REC114: variants seen among roughly 807,000 people sequenced by gnomAD.
The protein encoded by REC114 is REC114 meiotic recombination protein.
In REC114, 27 loss-of-function variants were observed where a neutral mutation model predicts 31.3. The observed-to-expected ratio is 0.86, with a 90% CI of 0.64 to 1.19. REC114 has a LOEUF of 1.19. Ranked by LOEUF, REC114 falls within the 50% of genes most tolerant of loss-of-function variation. REC114 has a pLI of 0.00. For missense variants in REC114, 344 were observed against 326.9 expected (o/e 1.05, Z -0.40); for synonymous variants, 134 against 127.7 (o/e 1.05, Z -0.33).
At chr15:73,473,469 T>C (rs1567858479) in intron 1 of REC114, among the ~76,000 whole-genome samples, 1 of 152,040 alleles carries the variant, frequency 6.6e-6, no homozygotes, top group Non-Finnish European at 1.5e-5. Flanking sequence ...AGCAACTCTG[T>C]AAGGTGCTAT....
intron 1 of REC114, among the ~76,000 whole-genome samples, chr15:73,456,315 G>T (rs1892914695): frequency 6.6e-6 from 1 of 151,466 alleles, no homozygotes; most frequent in South Asian, 2.1e-4. Context: ...GCCCTAATTG[G>T]TTGAACCTGA....
intron 2 of REC114, among the ~76,000 whole-genome samples, chr15:73,514,484 T>G (rs1893831264): frequency 6.6e-6 from 1 of 152,156 alleles, no homozygotes. Context: ...ACAGCACAGT[T>G]TCTAACCTTT....
chr15:73,510,604 T>A (rs1344820575), intron 2 of REC114, among the ~76,000 whole-genome samples: 1 of 147,576 alleles, frequency 6.8e-6, no homozygotes, highest in Non-Finnish European at 1.5e-5. Context: ...CTTATCATTT[T>A]GAAATACGTC....
At chr15:73,466,566 C>T (rs1478364869) in intron 1 of REC114, among the ~76,000 whole-genome samples, 3 of 146,156 alleles carry the variant, frequency 2.1e-5, no homozygotes, top group African/African-American at 8.4e-5. Flanking sequence ...GGAAGGAAAA[C>T]AACAACAACA....
chr15:73,544,484 A>G (rs192902369), intron 3 of REC114, among the ~76,000 whole-genome samples: 1 of 152,330 alleles, frequency 6.6e-6, no homozygotes, highest in East Asian at 1.9e-4. Context: ...CTGAACTGAA[A>G]TAAGTAGGTT....
rs911778809 is a variant in REC114, at chr15:73,516,739, C to T, written c.250-23746C>T. Among the ~76,000 whole-genome samples the T allele has an allele frequency of 2.6e-5, 4 of 152,188 alleles. No homozygotes were observed. In the East Asian group the frequency reaches 5.8e-4, roughly 22 times the overall value. On this transcript the variant is annotated intron_variant, in intron 2 of 5. Coordinates refer to ENST00000331090, the MANE Select transcript of REC114 (RefSeq NM_001042367.2). ...GCCTCCTGGGTTCAAGCAATTCTCC[C>T]GCCTCAGCCTCCCGAGTAGCTGAGA...
At chr15:73,491,890 ACT>A in intron 2 of REC114, among the ~76,000 whole-genome samples, 1 of 151,372 alleles carries the variant, frequency 6.6e-6, no homozygotes, top group Non-Finnish European at 1.5e-5. Context: ...ACAGAGTGAA[ACT>A]CTGTCTCAAG....
intron 1 of REC114, among the ~76,000 whole-genome samples, chr15:73,445,300 T>G (rs1892750063): frequency 6.6e-6 from 1 of 152,220 alleles, no homozygotes; most frequent in African/African-American, 2.4e-5. Flanking sequence ...AAAAGGCTGT[T>G]TTGAATACGT....
At chr15:73,455,538 A>G (rs538241385) in intron 1 of REC114, among the ~76,000 whole-genome samples, 4 of 152,198 alleles carry the variant, frequency 2.6e-5, no homozygotes. Flanking sequence ...TAGTACAACA[A>G]GACTCCTAAG....
In REC114 at chr15:73,541,228, C is replaced by G. The variant is rs147437461; in HGVS notation, c.333+660C>G. Among the ~76,000 whole-genome samples the G allele has an allele frequency of 3.3e-5, 5 of 152,198 alleles. No homozygotes were observed. The East Asian group carries it at 9.7e-4, about 29-fold the overall frequency. On this transcript the variant is annotated intron_variant, in intron 3 of 5. Transcript: ENST00000331090. ...TAGAATTCAGGGGGTCCATGAACTT[C>G]CATGGATTTTCACTGACCTCTAATT...
intron 1 of REC114, among the ~76,000 whole-genome samples, chr15:73,446,414 C>T (rs962347165): frequency 3.5e-4 from 53 of 152,086 alleles, no homozygotes; most frequent in African/African-American, 1.2e-3. Flanking sequence ...CTGAGGCAGG[C>T]GGATCACCTG....
intron 2 of REC114, among the ~76,000 whole-genome samples, chr15:73,526,480 C>T (rs72741468): frequency 0.018 from 2,758 of 152,204 alleles, 38 homozygotes; most frequent in Middle Eastern, 0.044. Flanking sequence ...TCCTTTATCA[C>T]CACCCACCAT....
At chr15:73,545,305 T>C (rs549741211) in intron 3 of REC114, among the ~76,000 whole-genome samples, 2 of 152,328 alleles carry the variant, frequency 1.3e-5, no homozygotes, top group African/African-American at 4.8e-5. Context: ...TTCGTGATTG[T>C]TGGTATACTT....
At chr15:73,480,613 G>A (rs1033138276) in intron 2 of REC114, among the ~76,000 whole-genome samples, 3 of 152,010 alleles carry the variant, frequency 2.0e-5, no homozygotes, top group Non-Finnish European at 2.9e-5. Flanking sequence ...TATAACATGT[G>A]TAATTTTATG....
At chr15:73,485,614 C>T (rs1893354783) in intron 2 of REC114, among the ~76,000 whole-genome samples, 1 of 152,126 alleles carries the variant, frequency 6.6e-6, no homozygotes, top group Admixed American at 6.6e-5. Flanking sequence ...GTGTGTGGCG[C>T]TTGCTCACCA....
At chr15:73,476,505 G>A (rs1047999899) in intron 2 of REC114, among the ~76,000 whole-genome samples, 13 of 152,100 alleles carry the variant, frequency 8.5e-5, no homozygotes, top group African/African-American at 2.9e-4. Flanking sequence ...AGATAAAATT[G>A]TATATATTTA....
intron 1 of REC114, among the ~76,000 whole-genome samples, chr15:73,461,082 G>C (rs1022680029): frequency 6.6e-6 from 1 of 151,748 alleles, no homozygotes; most frequent in East Asian, 1.9e-4. Context: ...AAAAGAAAAA[G>C]TTCTCTATAT....
At chr15:73,536,619 C>G (rs771775478) in intron 2 of REC114, among the ~76,000 whole-genome samples, 22 of 152,156 alleles carry the variant, frequency 1.4e-4, no homozygotes, top group Non-Finnish European at 2.6e-4. Context: ...AAAAGAGATT[C>G]AAACAGGTGG....
In REC114 at chr15:73,514,705, G is replaced by GA. The variant is rs201333986; in HGVS notation, c.250-25773dup. 5.6e-3 allele frequency among the ~76,000 whole-genome samples: 854 copies of GA among 151,986 alleles called. 6 individuals are homozygous for GA. The highest frequency in any genetic ancestry group is 0.02 in the African/African-American group (815 of 41,460). On this transcript the variant is annotated intron_variant, in intron 2 of 5. Coordinates refer to ENST00000331090, the MANE Select transcript of REC114 (RefSeq NM_001042367.2). ...AATCCTAACAAAAAGGTAGCAGTTTGAAAAAAACGCTTGTGCTAAAATAAT... is the reference window on the plus strand; with the variant it reads ...AATCCTAACAAAAAGGTAGCAGTTTGAAAAAAAACGCTTGTGCTAAAATAAT...
Sources: allele counts gnomAD v4.1 joint callset (sites outside exome capture counted in the v4.1 genomes callset), GRCh38; gene constraint gnomAD v4.1.1; transcripts MANE v1.5; gene names NCBI Gene and HGNC (gene_info 2026-07-23, HGNC 2026-07-21).